Variants in MOCS1 observed in about 807,000 individuals in gnomAD.
The protein encoded by MOCS1 is molybdenum cofactor biosynthesis protein 1.
MOCS1 carries 39 observed loss-of-function variants against 57.6 expected under a neutral mutation model. That is an observed-to-expected ratio of 0.68 (90% confidence interval 0.52 to 0.88). The LOEUF (loss-of-function observed/expected upper bound fraction) is 0.88, where lower values mean the gene tolerates loss of function less well. Ranked by LOEUF, MOCS1 falls within the 40% of genes least tolerant of loss-of-function variation. MOCS1 has a pLI of 0.00. For synonymous variants in MOCS1, 334 were observed against 335.7 expected (o/e 1.00, Z 0.05); for missense variants, 795 against 831.1 (o/e 0.96, Z 0.53).
In MOCS1 at chr6:39,904,516, T is replaced by C. The variant is rs752409092; in HGVS notation, c.*1841A>G. ...TTTCTCTAGCTAATTTTGTGGCCAA[T>C]GTAAAATTCGTCATCAACCTAACAA... On this transcript the variant is annotated 3_prime_UTR_variant, in exon 11 of 11. Coordinates refer to ENST00000340692, the MANE Select transcript of MOCS1 (RefSeq NM_001358530.2). 2 of 454,366 alleles carry C rather than the reference T, an allele frequency of 4.4e-6. No individual in the cohort carries two copies. Among genetic ancestry groups the C allele is most frequent in the South Asian group, 3.1e-5 (2 of 64,482 alleles). The allele number at this position is 454,366 out of a possible 1,614,324, so 28.1% of individuals were successfully genotyped here. A position where few individuals can be genotyped will look rare whatever the true frequency, so the allele number is the denominator to read the frequency against.
intron 1 of MOCS1, among the ~76,000 whole-genome samples, chr6:39,931,222 G>T (rs373630710): frequency 2.0e-5 from 3 of 152,162 alleles, no homozygotes; most frequent in Non-Finnish European, 4.4e-5. Flanking sequence ...GGGTGGGGAA[G>T]GGTGGGACAA....
Position 39,904,381 on chromosome 6 carries a change from TAAG to T in MOCS1, c.*1973_*1975del, listed in dbSNP as rs773015714. On this transcript the variant is annotated 3_prime_UTR_variant, in exon 11 of 11. Coordinates refer to ENST00000340692, the MANE Select transcript of MOCS1 (RefSeq NM_001358530.2). ...GACCATGGACTCATACTCAACTGAG[TAAG>T]AAGGGGCTGGTGCCCAGTCGGGGTG... The T allele has an allele frequency of 1.8e-5, 8 of 456,308 alleles. No homozygotes were observed. The highest frequency in any genetic ancestry group is 1.4e-4 in the African/African-American group (7 of 50,056). 28.3% of individuals were successfully genotyped at this position (456,308 alleles called of 1,614,324 possible).
In MOCS1 at chr6:39,909,053, A is replaced by G. The variant is rs1767129491; in HGVS notation, c.1150+2T>C. On this transcript the variant is annotated splice_donor_variant, in intron 10 of 10. Transcript: ENST00000340692. LOFTEE classifies it high-confidence loss of function. ...GTGGTTACGTACTGATGGGTCACCC[A>G]CCGATGAGGATCATGGGCCGGTTCT... 1 of 1,611,956 alleles carries G rather than the reference A, an allele frequency of 6.2e-7. No homozygotes were observed. Among genetic ancestry groups the G allele is most frequent in the Non-Finnish European group, 8.5e-7 (1 of 1,179,360 alleles).
At position 39,909,101 on chromosome 6, in the gene MOCS1, G is replaced by T. The variant is rs771116838; in HGVS notation, c.1104C>A (p.Gly368=). ...AVGRKKRQHA[G]MFSISQMKNR... Reference sequence around the variant, plus strand: ...TCTTCATCTGGGAAATACTGAACATGCCTGGGGTGAGGGAAAGATGGGGAG... The same window carrying T: ...TCTTCATCTGGGAAATACTGAACATTCCTGGGGTGAGGGAAAGATGGGGAG... The change falls in exon 10 of 11, where the codon GGC becomes GGA. Residue 368 remains glycine, a splice_region_variant and synonymous_variant. Transcript: ENST00000340692. The T allele has an allele frequency of 1.9e-6, 3 of 1,609,038 alleles. No homozygotes were observed. The highest frequency in any genetic ancestry group is 2.5e-6 in the Non-Finnish European group (3 of 1,178,346).
chr6:39,906,815 C>A lies in MOCS1; in HGVS notation c.1453G>T (p.Val485Leu), dbSNP rs1582799672. The A allele has an allele frequency of 6.2e-7, 1 of 1,614,100 alleles. No homozygotes were observed. The highest frequency in any genetic ancestry group is 1.3e-5 in the African/African-American group (1 of 74,956). Reference protein sequence around the residue: ...PQLTSEQLTHVDSEGRAAMVD... With the variant: ...PQLTSEQLTHLDSEGRAAMVD... ...ATAGCTGCCCGTCCTTCCGAGTCCACATGAGTTAGTTGTTCTGAGGTTAGC... is the reference window on the plus strand; with the variant it reads ...ATAGCTGCCCGTCCTTCCGAGTCCAAATGAGTTAGTTGTTCTGAGGTTAGC... Residue 485 changes from valine to leucine, a missense_variant, in exon 11 of 11, where the codon GTG (valine) becomes TTG (leucine). Physicochemically the swap from Val to Leu is conservative, Grantham distance 32. Coordinates refer to ENST00000340692, the MANE Select transcript of MOCS1 (RefSeq NM_001358530.2).
rs1309776716 is a variant in MOCS1, at chr6:39,906,475, G to A, written c.1793C>T (p.Ala598Val). The change falls in exon 11 of 11, where the codon GCA becomes GTA. Residue 598 changes from alanine (A) to valine (V), a missense_variant. Coordinates refer to ENST00000340692, the MANE Select transcript of MOCS1 (RefSeq NM_001358530.2). Reference sequence around the variant, plus strand: ...GTCATACAGGGTGAGGGCGGCCACTGCAGCAGAGGTCAGGGCCTCCATCTC... The same window carrying A: ...GTCATACAGGGTGAGGGCGGCCACTACAGCAGAGGTCAGGGCCTCCATCTC... ...GVEMEALTSA[A>V]VAALTLYDMC... 4 of 1,614,110 alleles carry A rather than the reference G, an allele frequency of 2.5e-6. No individual in the cohort carries two copies. Among genetic ancestry groups the A allele is most frequent in the South Asian group, 2.2e-5 (2 of 91,082 alleles).
chr6:39,910,471 C>T lies in MOCS1; in HGVS notation c.982-516G>A, dbSNP rs529112421. The stretch of plus-strand genomic sequence containing the variant: ...ACTGCTTGGAAGCTTCAGCTGAGGG[C>T]TGCTGGGCATGACAACTTAAGGTCA... On this transcript the variant is annotated intron_variant, in intron 8 of 10. Transcript: ENST00000340692. 1.4e-4 allele frequency among the ~76,000 whole-genome samples: 22 copies of T among 152,302 alleles called. No individual in the cohort carries two copies. In the South Asian group the frequency reaches 2.9e-3, roughly 20 times the overall value.
At chr6:39,921,548 T>C (rs954608705) in intron 3 of MOCS1, among the ~76,000 whole-genome samples, 1 of 152,200 alleles carries the variant, frequency 6.6e-6, no homozygotes, top group Non-Finnish European at 1.5e-5. Flanking sequence ...TTAACTATGA[T>C]TTAACCTAAT....
chr6:39,913,708 C>T (rs953479733), intron 5 of MOCS1, 66 bp downstream of exon 5: 29 of 1,547,618 alleles, frequency 1.9e-5, no homozygotes, highest in East Asian at 1.6e-4. Flanking sequence ...GGCCAAGGGG[C>T]GGTGAGGGGA....
In MOCS1 at chr6:39,905,276, C is replaced by T; in HGVS notation, c.*1081G>A. Reference sequence around the variant, plus strand: ...AATGCAAGCAATGAGCTTTGAACACCCCTGGCCACCACCTGACAAAAGATT... The same window carrying T: ...AATGCAAGCAATGAGCTTTGAACACTCCTGGCCACCACCTGACAAAAGATT... On this transcript the variant is annotated 3_prime_UTR_variant, in exon 11 of 11. Transcript: ENST00000340692. 2 of 454,568 alleles carry T rather than the reference C, an allele frequency of 4.4e-6. No homozygotes were observed. The highest frequency in any genetic ancestry group is 1.6e-5 in the South Asian group (1 of 64,490). 28.2% of individuals were successfully genotyped at this position (454,568 alleles called of 1,614,324 possible). A position where few individuals can be genotyped will look rare whatever the true frequency, so the allele number is the denominator to read the frequency against.
Position 39,905,981 on chromosome 6 carries a change from G to A in MOCS1, c.*376C>T. ...CGCTTAATCTCTCCCCAGGAAAGCA[G>A]GAGAAGAGAAAACCCAAAATGAGAA... On this transcript the variant is annotated 3_prime_UTR_variant, in exon 11 of 11. Coordinates refer to ENST00000340692, the MANE Select transcript of MOCS1 (RefSeq NM_001358530.2). 1 of 472,066 alleles carries A rather than the reference G, an allele frequency of 2.1e-6. No individual in the cohort carries two copies. Among genetic ancestry groups the A allele is most frequent in the South Asian group, 1.6e-5 (1 of 64,486 alleles). 29.2% of individuals were successfully genotyped at this position (472,066 alleles called of 1,614,324 possible).
Position 39,914,610 on chromosome 6 carries a change from C to A in MOCS1, c.584-775G>T, listed in dbSNP as rs192147143. On this transcript the variant is annotated intron_variant, in intron 4 of 10. Transcript: ENST00000340692. ...TGCATCCTGGCCCCCTCCAGCACCC[C>A]CAGCCTGCACAGCCTGGGTGGTCAC... Among the ~76,000 whole-genome samples the A allele has an allele frequency of 3.3e-4, 51 of 152,276 alleles. 1 individual carries two copies. In the East Asian group the frequency reaches 7.7e-3, roughly 23 times the overall value.
intron 3 of MOCS1, among the ~76,000 whole-genome samples, chr6:39,917,780 A>G (rs939097379): frequency 6.6e-6 from 1 of 152,234 alleles, no homozygotes; most frequent in Non-Finnish European, 1.5e-5. Flanking sequence ...TTGAAAATAA[A>G]CCAAGAAAAA....
chr6:39,915,896 AG>A (rs1582816784), intron 4 of MOCS1, among the ~76,000 whole-genome samples, 171 bp downstream of exon 4: 1 of 152,156 alleles, frequency 6.6e-6, no homozygotes, highest in African/African-American at 2.4e-5. Flanking sequence ...TGACCCCCAA[AG>A]TCCCTGACAT....
intron 5 of MOCS1, 59 bp downstream of exon 5, chr6:39,913,715 G>A: frequency 6.3e-7 from 1 of 1,581,070 alleles, no homozygotes. Context: ...GGGCGGTGAG[G>A]GGAAGGCCAG....
Position 39,908,972 on chromosome 6 carries a change from T to G in MOCS1, c.1150+83A>C. 8 of 1,116,108 alleles carry G rather than the reference T, an allele frequency of 7.2e-6. 1 individual carries two copies. In the South Asian group the frequency reaches 8.7e-5, roughly 12 times the overall value. The allele number at this position is 1,116,108 out of a possible 1,614,324, so 69.1% of individuals were successfully genotyped here. ...AGAAATCAGCATGAAATGCAGGAGC[T>G]GGGGGTGCCTATGGCACGGCTCCCA... On this transcript the variant is annotated intron_variant, in intron 10 of 10. Transcript: ENST00000340692.
chr6:39,913,619 G>C, intron 5 of MOCS1, 155 bp downstream of exon 5: 2 of 1,021,730 alleles, frequency 2.0e-6, no homozygotes, highest in Non-Finnish European at 3.1e-6. Flanking sequence ...GGTCGGCAGG[G>C]CTGGACCAGC....
rs1766695623 is a variant in MOCS1, at chr6:39,904,541, AAC to A, written c.*1814_*1815del. 1 of 453,066 alleles carries A rather than the reference AAC, an allele frequency of 2.2e-6. No homozygotes were observed. The highest frequency in any genetic ancestry group is 4.4e-6 in the Non-Finnish European group (1 of 226,904). 28.1% of individuals were successfully genotyped at this position (453,066 alleles called of 1,614,324 possible). On this transcript the variant is annotated 3_prime_UTR_variant, in exon 11 of 11. Transcript: ENST00000340692. ...TGTAAAATTCGTCATCAACCTAACAAACACAACCTTCTCAGCAGCATTTCTCC... is the reference window on the plus strand; with the variant it reads ...TGTAAAATTCGTCATCAACCTAACAAACAACCTTCTCAGCAGCATTTCTCC...
chr6:39,934,179 C>G, intron 1 of MOCS1, 116 bp downstream of exon 1: 2 of 1,337,174 alleles, frequency 1.5e-6, no homozygotes, highest in South Asian at 1.5e-5. Flanking sequence ...GGAGTGCCAA[C>G]GGGTCCCTCC....
Sources: allele counts gnomAD v4.1 joint callset (sites outside exome capture counted in the v4.1 genomes callset), GRCh38; gene constraint gnomAD v4.1.1; transcripts MANE v1.5; gene names NCBI Gene and HGNC (gene_info 2026-07-23, HGNC 2026-07-21).